LRRC1: variants seen among roughly 807,000 people sequenced by gnomAD.
LRRC1 encodes the protein leucine-rich repeat-containing protein 1.
LRRC1 carries 28 observed loss-of-function variants against 69.9 expected under a neutral mutation model. That is an observed-to-expected ratio of 0.40 (90% CI 0.30 to 0.55). The LOEUF (loss-of-function observed/expected upper bound fraction) is 0.55. LRRC1 is among the 20% of genes least tolerant of loss of function. The pLI, the probability that LRRC1 is intolerant of heterozygous loss-of-function variation, is 0.47. For synonymous variants in LRRC1, 236 were observed against 240.2 expected (o/e 0.98, Z 0.16); for missense variants, 498 against 609.0 (o/e 0.82, Z 1.92).
In LRRC1 at chr6:53,816,005, T is replaced by G. The variant is rs536847779; in HGVS notation, c.159+20590T>G. Among the ~76,000 whole-genome samples the G allele has an allele frequency of 3.5e-4, 54 of 152,332 alleles. 1 individual carries two copies. Among genetic ancestry groups the G allele is most frequent in the African/African-American group, 1.3e-3 (53 of 41,576 alleles). ...TAGTTTTCATCTCTGCTTTGTAACT[T>G]TTGAAGTGGAATAACTCTGCATTCT... On this transcript the variant is annotated intron_variant, in intron 1 of 13. Transcript: ENST00000370888.
At chr6:53,831,921 T>C (rs935570636) in intron 1 of LRRC1, among the ~76,000 whole-genome samples, 7 of 152,220 alleles carry the variant, frequency 4.6e-5, no homozygotes, top group African/African-American at 1.7e-4. Context: ...CCTAAAGTAT[T>C]CTGTTGTCCA....
intron 1 of LRRC1, among the ~76,000 whole-genome samples, chr6:53,825,542 G>A (rs1765231067): frequency 6.6e-6 from 1 of 152,124 alleles, no homozygotes; most frequent in Non-Finnish European, 1.5e-5. Context: ...GTGTGCTTTG[G>A]GTTCCTGGGG....
At chr6:53,841,970 T>A (rs1765803194) in intron 1 of LRRC1, 140 bp from the exon 2 acceptor site, 1 of 578,358 alleles carries the variant, frequency 1.7e-6, no homozygotes, top group South Asian at 2.2e-5. Context: ...ACAACTACAG[T>A]ACTGCCATCA....
intron 1 of LRRC1, among the ~76,000 whole-genome samples, chr6:53,828,018 AG>A (rs1765323231): frequency 6.6e-6 from 1 of 152,124 alleles, no homozygotes; most frequent in South Asian, 2.1e-4. Context: ...TTAGGGGCTG[AG>A]CAGACTTTTA....
intron 2 of LRRC1, among the ~76,000 whole-genome samples, chr6:53,875,623 G>A (rs1469485051): frequency 6.6e-6 from 1 of 152,070 alleles, no homozygotes; most frequent in African/African-American, 2.4e-5. Context: ...GCACTACTTT[G>A]GAATACCTGG....
At chr6:53,834,323 T>G (rs1033426011) in intron 1 of LRRC1, among the ~76,000 whole-genome samples, 3 of 152,218 alleles carry the variant, frequency 2.0e-5, no homozygotes, top group Non-Finnish European at 4.4e-5. Context: ...TGCTCTCACA[T>G]GTAGGTTTCA....
At chr6:53,818,944 T>C (rs1765033601) in intron 1 of LRRC1, among the ~76,000 whole-genome samples, 1 of 152,182 alleles carries the variant, frequency 6.6e-6, no homozygotes, top group African/African-American at 2.4e-5. Context: ...ACCTTGGGTT[T>C]CAAGTTGTCA....
intron 2 of LRRC1, among the ~76,000 whole-genome samples, chr6:53,865,987 T>C (rs1766691243): frequency 6.6e-6 from 1 of 152,098 alleles, no homozygotes; most frequent in Non-Finnish European, 1.5e-5. Context: ...CCCAAAGTGC[T>C]GGGATTACAG....
At chr6:53,917,687 G>T (rs927784120) in intron 11 of LRRC1, among the ~76,000 whole-genome samples, 4 of 152,152 alleles carry the variant, frequency 2.6e-5, no homozygotes, top group Admixed American at 1.3e-4. Context: ...TAGAGATGTT[G>T]ACTGTAAGTG....
At chr6:53,870,210 G>A (rs1276185112) in intron 2 of LRRC1, among the ~76,000 whole-genome samples, 10 of 151,786 alleles carry the variant, frequency 6.6e-5, no homozygotes, top group East Asian at 1.9e-4. Flanking sequence ...AGACCAGCTC[G>A]ACCAGAATTT....
chr6:53,848,590 C>A (rs1461476192), intron 2 of LRRC1, among the ~76,000 whole-genome samples: 1 of 152,154 alleles, frequency 6.6e-6, no homozygotes, highest in Non-Finnish European at 1.5e-5. Flanking sequence ...AGGGTCTTTT[C>A]GGTCTGCTTT....
At chr6:53,808,226 TG>T (rs1168420431) in intron 1 of LRRC1, among the ~76,000 whole-genome samples, 1 of 152,100 alleles carries the variant, frequency 6.6e-6, no homozygotes, top group African/African-American at 2.4e-5. Context: ...TTGACTGTGG[TG>T]GTAGCAGTAA....
chr6:53,916,759 T>G (rs1451884561), intron 11 of LRRC1, among the ~76,000 whole-genome samples: 1 of 152,226 alleles, frequency 6.6e-6, no homozygotes, highest in Non-Finnish European at 1.5e-5. Flanking sequence ...TAAGGCGTAT[T>G]CAGTCACTGG....
chr6:53,803,567 T>C (rs1764781075), intron 1 of LRRC1, among the ~76,000 whole-genome samples: 1 of 150,386 alleles, frequency 6.6e-6, no homozygotes, highest in Non-Finnish European at 1.5e-5. Context: ...TTTTAGAAGA[T>C]CTAATAGAGT....
At chr6:53,805,872 G>A (rs1764623173) in intron 1 of LRRC1, among the ~76,000 whole-genome samples, 1 of 152,194 alleles carries the variant, frequency 6.6e-6, no homozygotes, top group Admixed American at 6.5e-5. Flanking sequence ...GCCTGCTGTG[G>A]TGGCTTCCCT....
intron 1 of LRRC1, among the ~76,000 whole-genome samples, chr6:53,800,167 A>G (rs971466814): frequency 6.6e-6 from 1 of 152,138 alleles, no homozygotes; most frequent in African/African-American, 2.4e-5. Context: ...AAGTGTCAGC[A>G]CAGAGTTAGC....
chr6:53,838,046 A>G (rs1225861253), intron 1 of LRRC1, among the ~76,000 whole-genome samples: 3 of 152,174 alleles, frequency 2.0e-5, no homozygotes, highest in Admixed American at 6.5e-5. Flanking sequence ...AGCTACAGGA[A>G]TTGTTTTTCA....
intron 2 of LRRC1, among the ~76,000 whole-genome samples, chr6:53,848,011 C>G (rs1766001874): frequency 6.6e-6 from 1 of 152,222 alleles, no homozygotes; most frequent in Non-Finnish European, 1.5e-5. Context: ...TTTCTTGCAG[C>G]CTAATTTGGG....
chr6:53,919,218 ATT>A (rs1768659439), intron 11 of LRRC1: 1 of 157,832 alleles, frequency 6.3e-6, no homozygotes, highest in Non-Finnish European at 1.1e-5. Flanking sequence ...GTGTCCTGTA[ATT>A]TTCTCTCTCT....
Sources: allele counts gnomAD v4.1 joint callset (sites outside exome capture counted in the v4.1 genomes callset), GRCh38; gene constraint gnomAD v4.1.1; transcripts MANE v1.5; gene names NCBI Gene and HGNC (gene_info 2026-07-23, HGNC 2026-07-21).